The following C2orf76 variants were observed in gnomAD, a reference collection of about 807,000 sequenced individuals.
The protein encoded by C2orf76 is UPF0538 protein C2orf76.
A neutral mutation model predicts 16.9 loss-of-function variants in C2orf76; 23 were observed. The ratio of observed to expected loss-of-function variants is 1.36; its 90% CI spans 0.98 to 1.93. C2orf76 has a LOEUF of 1.93. C2orf76 is among the 30% of genes most tolerant of loss of function. The probability of loss-of-function intolerance (pLI) is 0.00; values close to 1 mark genes in which losing one functional copy is unlikely to be tolerated. For synonymous variants in C2orf76, 48 were observed against 52.3 expected, an observed-to-expected ratio of 0.92 and a Z score of 0.35; for missense variants, 152 against 152.6, an observed-to-expected ratio of 1.00 and a Z score of 0.02.
At chr2:119,298,066 C>T (rs1018214315), downstream of C2orf76, among the ~76,000 whole-genome samples, 4 of 152,304 alleles carry the variant, frequency 2.6e-5, no homozygotes, top group East Asian at 7.7e-4. Context: ...CCCTCAGCCT[C>T]CTGAGTAGCT....
intron 5 of C2orf76, among the ~76,000 whole-genome samples, chr2:119,305,958 CAAAA>C (rs1006028585): frequency 7.9e-6 from 1 of 125,796 alleles, no homozygotes; most frequent in African/African-American, 2.9e-5. Context: ...AAAAAAAAAA[CAAAA>C]AAAACCTCGG....
intron 1 of C2orf76, among the ~76,000 whole-genome samples, chr2:119,365,453 C>T (rs1025976120): frequency 3.3e-5 from 5 of 152,152 alleles, no homozygotes; most frequent in Non-Finnish European, 5.9e-5. Flanking sequence ...AGACTGAAAA[C>T]CCTAGATTTG....
chr2:119,329,313 T>C (rs943088155), intron 2 of C2orf76, among the ~76,000 whole-genome samples: 1 of 152,220 alleles, frequency 6.6e-6, no homozygotes, highest in African/African-American at 2.4e-5. Context: ...ATCTACTTCA[T>C]CTGATACTAA....
intron 5 of C2orf76, chr2:119,311,396 C>T (rs1029446043): frequency 4.1e-6 from 4 of 985,276 alleles, no homozygotes; most frequent in Non-Finnish European, 1.2e-6. Flanking sequence ...CTTCTGAAAA[C>T]AGCCATTTGC....
the C2orf76 span, among the ~76,000 whole-genome samples, chr2:119,296,237 T>C: frequency 0.2 from 30,068 of 152,120 alleles, 3,226 homozygotes; most frequent in Middle Eastern, 0.31. Context: ...AAAGGCCCAC[T>C]GTCTTGATGG....
the C2orf76 span, among the ~76,000 whole-genome samples, chr2:119,283,577 C>G: frequency 5.3e-5 from 8 of 152,102 alleles, no homozygotes; most frequent in Admixed American, 1.3e-4. Flanking sequence ...TGAGTTCAAG[C>G]GATTCTCCTG....
intron 5 of C2orf76, among the ~76,000 whole-genome samples, chr2:119,310,950 G>C (rs1421570563): frequency 6.6e-6 from 1 of 152,204 alleles, no homozygotes; most frequent in African/African-American, 2.4e-5. Flanking sequence ...CCGCAGAGGT[G>C]TGTGAGGGGC....
chr2:119,328,772 A>C (rs540265992), intron 2 of C2orf76, among the ~76,000 whole-genome samples: 1 of 152,254 alleles, frequency 6.6e-6, no homozygotes, highest in Non-Finnish European at 1.5e-5. Context: ...CATCCCACAA[A>C]ATTTGAAAAG....
intron 1 of C2orf76, among the ~76,000 whole-genome samples, chr2:119,352,202 T>G (rs891692515): frequency 1.3e-5 from 2 of 152,216 alleles, no homozygotes; most frequent in Admixed American, 6.5e-5. Context: ...AACAAACTCC[T>G]AGAGAGAATC....
At chr2:119,309,405 T>C (rs1197972997) in intron 5 of C2orf76, among the ~76,000 whole-genome samples, 3 of 126,876 alleles carry the variant, frequency 2.4e-5, no homozygotes, top group African/African-American at 9.9e-5. Flanking sequence ...TTTCTTTTTT[T>C]TTTTTTTTTT....
intron 5 of C2orf76, among the ~76,000 whole-genome samples, chr2:119,302,938 AG>A (rs1244856285): frequency 2.2e-5 from 3 of 138,034 alleles, no homozygotes; most frequent in Non-Finnish European, 3.3e-5. Flanking sequence ...AAGGAAGGGG[AG>A]GGAAAACTCT....
At chr2:119,341,166 T>G (rs1680018189) in intron 1 of C2orf76, among the ~76,000 whole-genome samples, 1 of 152,014 alleles carries the variant, frequency 6.6e-6, no homozygotes, top group South Asian at 2.1e-4. Context: ...CTTTCTATAT[T>G]TTTTTTAATC....
chr2:119,364,047 C>CAGACAGAG (rs1680840141), intron 1 of C2orf76, among the ~76,000 whole-genome samples: 2 of 150,244 alleles, frequency 1.3e-5, no homozygotes, highest in African/African-American at 4.9e-5. Flanking sequence ...GAGAGACAGA[C>CAGACAGAG]AGACAGACAG....
chr2:119,318,861 T>C (rs932103273), intron 3 of C2orf76, among the ~76,000 whole-genome samples: 4 of 152,204 alleles, frequency 2.6e-5, no homozygotes, highest in African/African-American at 9.6e-5. Context: ...TAATCCTCAG[T>C]AACTCTGTAT....
intron 1 of C2orf76, among the ~76,000 whole-genome samples, chr2:119,347,794 T>C (rs957756588): frequency 2.6e-5 from 4 of 152,128 alleles, no homozygotes; most frequent in Non-Finnish European, 5.9e-5. Flanking sequence ...CACATGTAGA[T>C]TTGGGAAATA....
At chr2:119,364,150 G>A (rs969761046) in intron 1 of C2orf76, among the ~76,000 whole-genome samples, 8 of 151,844 alleles carry the variant, frequency 5.3e-5, no homozygotes, top group Non-Finnish European at 1.0e-4. Flanking sequence ...AAGAGAGAGA[G>A]ATCTTGCCCA....
At chr2:119,339,719 G>C in intron 2 of C2orf76, 108 bp downstream of exon 2, 2 of 1,263,362 alleles carry the variant, frequency 1.6e-6, no homozygotes, top group South Asian at 1.5e-5. Context: ...TTGGAACCCA[G>C]GTTAATCTTT....
intron 3 of C2orf76, 135 bp from the exon 4 acceptor site, chr2:119,317,638 A>C: frequency 1.8e-6 from 1 of 555,866 alleles, no homozygotes; most frequent in Non-Finnish European, 3.1e-6. Flanking sequence ...ATTTAGAAAT[A>C]TACTATACAG....
At chr2:119,366,613 G>A (rs1681014070) in intron 1 of C2orf76, 177 bp downstream of exon 1, 1 of 423,458 alleles carries the variant, frequency 2.4e-6, no homozygotes, top group Admixed American at 3.3e-5. Flanking sequence ...TGCAACTTCC[G>A]GCCTCTTCAG....
Sources: allele counts gnomAD v4.1 joint callset (sites outside exome capture counted in the v4.1 genomes callset), GRCh38; gene constraint gnomAD v4.1.1; transcripts MANE v1.5; gene names NCBI Gene and HGNC (gene_info 2026-07-23, HGNC 2026-07-21).